Variants in SLC4A4 observed in about 807,000 individuals in gnomAD.
The protein encoded by SLC4A4 is electrogenic sodium bicarbonate cotransporter 1.
In SLC4A4, 27 loss-of-function variants were observed where a neutral mutation model predicts 111.5. The ratio of observed to expected loss-of-function variants is 0.24; its 90% confidence interval spans 0.18 to 0.33. The LOEUF (loss-of-function observed/expected upper bound fraction) is 0.33, where lower values mean the gene tolerates loss of function less well. Among genes scored for constraint, SLC4A4 ranks in the 10% least tolerant of loss-of-function variants. The pLI is 1.00. For synonymous variants in SLC4A4, 443 were observed against 463.4 expected (o/e 0.96, Z 0.57); for missense variants, 909 against 1,315.5 (o/e 0.69, Z 4.78).
At chr4:71,237,099 A>G (rs1247912834) in intron 2 of SLC4A4, among the ~76,000 whole-genome samples, 1 of 152,250 alleles carries the variant, frequency 6.6e-6, no homozygotes, top group African/African-American at 2.4e-5. Flanking sequence ...AATGGGTTTA[A>G]GCTGAAGATG....
Position 71,064,068 on chromosome 4 carries a change from C to T in SLC4A4, c.-65+1280C>T, listed in dbSNP as rs1741452818. Among the ~76,000 whole-genome samples, 3 of 151,882 alleles carry T rather than the reference C, an allele frequency of 2.0e-5. 1 individual carries two copies. The South Asian group carries it at 6.2e-4, about 32-fold the overall frequency. ...CATAAATACATACACCTACTATGTA[C>T]CCAAAACATTAAAAATAAAAAATTA... On this transcript the variant is annotated intron_variant, in intron 1 of 26. Coordinates refer to the SLC4A4 transcript ENST00000649996.
At chr4:71,243,085 T>C (rs1028630373) in intron 2 of SLC4A4, among the ~76,000 whole-genome samples, 2 of 152,208 alleles carry the variant, frequency 1.3e-5, no homozygotes, top group African/African-American at 4.8e-5. Context: ...TTAACCATAA[T>C]TGTATACTGG....
In SLC4A4 at chr4:71,529,920, A is replaced by G. The variant is rs72854408; in HGVS notation, c.2167-2142A>G. ...CCAGTGATTTATGACCTACTGGTCTAGAGGGGTGTTTGTAACTTCCTGACA... is the reference window on the plus strand; with the variant it reads ...CCAGTGATTTATGACCTACTGGTCTGGAGGGGTGTTTGTAACTTCCTGACA... On this transcript the variant is annotated intron_variant, in intron 16 of 25. Transcript: ENST00000264485. 4.2e-3 allele frequency among the ~76,000 whole-genome samples: 643 copies of G among 152,240 alleles called. 4 individuals are homozygous for G. The highest frequency in any genetic ancestry group is 0.015 in the African/African-American group (606 of 41,560).
chr4:71,350,932 A>T (rs555857183), intron 5 of SLC4A4, among the ~76,000 whole-genome samples: 1 of 152,298 alleles, frequency 6.6e-6, no homozygotes, highest in East Asian at 1.9e-4. Context: ...CCTAGGAATA[A>T]GAAGTGGAGC....
chr4:71,300,841 CAG>C (rs1413329180), intron 3 of SLC4A4: 1 of 462,318 alleles, frequency 2.2e-6, no homozygotes, highest in African/African-American at 2.0e-5. Flanking sequence ...GTGCTGGAGG[CAG>C]AGACAGTGGA....
At chr4:71,127,882 G>T (rs1005904466) in intron 2 of SLC4A4, among the ~76,000 whole-genome samples, 36 of 152,180 alleles carry the variant, frequency 2.4e-4, no homozygotes, top group African/African-American at 8.0e-4. Flanking sequence ...CCAGCACTTT[G>T]AGAGCCAAGG....
intron 3 of SLC4A4, among the ~76,000 whole-genome samples, chr4:71,331,339 C>T (rs1727967757): frequency 6.6e-6 from 1 of 152,148 alleles, no homozygotes; most frequent in South Asian, 2.1e-4. Flanking sequence ...CCCAAATGTC[C>T]ATGAATGATA....
intron 1 of SLC4A4, among the ~76,000 whole-genome samples, chr4:71,204,929 T>C (rs921463610): frequency 6.6e-6 from 1 of 152,178 alleles, no homozygotes; most frequent in Non-Finnish European, 1.5e-5. Flanking sequence ...TGGAATAAGA[T>C]GGCTAACACT....
At position 71,409,046 on chromosome 4, in the gene SLC4A4, C is replaced by A. The variant is rs554198917; in HGVS notation, c.807+11393C>A. ...TTTTGCCACCACCATGTAAGAAGTG[C>A]CTTTCACCTCCCTCCATGATTCTGG... On this transcript the variant is annotated intron_variant, in intron 7 of 25. Transcript: ENST00000264485. Among the ~76,000 whole-genome samples, 7 of 152,282 alleles carry A rather than the reference C, an allele frequency of 4.6e-5. No individual in the cohort carries two copies. The South Asian group carries it at 1.5e-3, about 32-fold the overall frequency.
chr4:71,355,474 A>T (rs577058452), intron 5 of SLC4A4, among the ~76,000 whole-genome samples: 1 of 152,216 alleles, frequency 6.6e-6, no homozygotes, highest in South Asian at 2.1e-4. Context: ...TGTGTAGTTT[A>T]AAATACTCAG....
intron 2 of SLC4A4, among the ~76,000 whole-genome samples, chr4:71,111,668 TGAGCCA>T (rs1351371432): frequency 2.0e-5 from 3 of 148,618 alleles, no homozygotes; most frequent in African/African-American, 5.0e-5. Flanking sequence ...ATTACAGGCT[TGAGCCA>T]CTGTGCCTGG....
chr4:71,555,735 CTT>C (rs1414661571), intron 21 of SLC4A4, among the ~76,000 whole-genome samples: 1 of 151,936 alleles, frequency 6.6e-6, no homozygotes, highest in Non-Finnish European at 1.5e-5. Context: ...AACTGACACA[CTT>C]TTAATAAAAT....
At chr4:71,093,019 CAGG>C (rs1369710348) in intron 2 of SLC4A4, among the ~76,000 whole-genome samples, 4 of 149,918 alleles carry the variant, frequency 2.7e-5, no homozygotes, top group Admixed American at 2.0e-4. Flanking sequence ...CACTTGAACT[CAGG>C]AGGCGGAGGT....
chr4:71,102,328 C>A (rs1742771770), intron 2 of SLC4A4, among the ~76,000 whole-genome samples: 2 of 149,934 alleles, frequency 1.3e-5, no homozygotes, highest in Admixed American at 6.6e-5. Flanking sequence ...GAGAATGGAA[C>A]CAAGTTGGAA....
intron 6 of SLC4A4, among the ~76,000 whole-genome samples, chr4:71,368,549 A>T (rs1298693268): frequency 6.6e-6 from 1 of 152,216 alleles, no homozygotes; most frequent in Non-Finnish European, 1.5e-5. Flanking sequence ...CCATTTGTGC[A>T]TAAGATCCAT....
intron 2 of SLC4A4, among the ~76,000 whole-genome samples, chr4:71,246,056 G>A (rs1332191320): frequency 1.3e-5 from 2 of 152,174 alleles, no homozygotes; most frequent in Non-Finnish European, 2.9e-5. Flanking sequence ...ATGGTTAGTT[G>A]GGAATAAGAG....
rs530589360 is a variant in SLC4A4 at position 71,478,673 on chromosome 4, G to A, written c.1903+5703G>A. On this transcript the variant is annotated intron_variant, in intron 14 of 25. Transcript: ENST00000264485. Reference sequence around the variant, plus strand: ...ACCTAATGATGGGTTGATGGGTACAGCAAACCACCATGGCACATGTATACC... The same window carrying A: ...ACCTAATGATGGGTTGATGGGTACAACAAACCACCATGGCACATGTATACC... Among the ~76,000 whole-genome samples the A allele has an allele frequency of 5.3e-5, 8 of 151,476 alleles. No homozygotes were observed. In the East Asian group the frequency reaches 1.6e-3, roughly 30 times the overall value.
At chr4:71,531,386 G>A (rs777804979) in intron 16 of SLC4A4, among the ~76,000 whole-genome samples, 4 of 152,136 alleles carry the variant, frequency 2.6e-5, no homozygotes, top group Non-Finnish European at 4.4e-5. Flanking sequence ...TCCCACATAC[G>A]TGAGACTTTA....
At chr4:71,399,205 AT>A (rs1401170158) in intron 7 of SLC4A4, among the ~76,000 whole-genome samples, 5 of 152,268 alleles carry the variant, frequency 3.3e-5, no homozygotes, top group African/African-American at 1.2e-4. Context: ...TGTGGAATCA[AT>A]CCCCAACATA....
Sources: allele counts gnomAD v4.1 joint callset (sites outside exome capture counted in the v4.1 genomes callset), GRCh38; gene constraint gnomAD v4.1.1; transcripts MANE v1.5; gene names NCBI Gene and HGNC (gene_info 2026-07-23, HGNC 2026-07-21).